The following KAT6B variants were observed in gnomAD, a reference collection of about 807,000 sequenced individuals.
The protein encoded by KAT6B is histone acetyltransferase KAT6B.
Under a neutral mutation model 187.5 loss-of-function variants are expected in KAT6B, and 10 were observed. The observed-to-expected ratio is 0.05, with a 90% CI of 0.03 to 0.09. The LOEUF (loss-of-function observed/expected upper bound fraction) is 0.09, where lower values mean the gene tolerates loss of function less well. Ranked by LOEUF, KAT6B falls within the 10% of genes least tolerant of loss-of-function variation. KAT6B has a pLI of 1.00. For synonymous variants in KAT6B, 861 were observed against 926.8 expected, an observed-to-expected ratio of 0.93 and a Z score of 1.29; for missense variants, 1,952 against 2,558.9, an observed-to-expected ratio of 0.76 and a Z score of 5.12.
rs756031303 is a variant in KAT6B at position 75,030,326 on chromosome 10, C to T, written c.5502C>T (p.Tyr1834=). ...CACTTATTGATCATTCATTGCCTTACAGCCATTCCGCTGCTGTGACTTCCT... is the reference window on the plus strand; with the variant it reads ...CACTTATTGATCATTCATTGCCTTATAGCCATTCCGCTGCTGTGACTTCCT... ...TNTLIDHSLP[Y]SHSAAVTSYA... Residue 1834 remains tyrosine (Y), a synonymous_variant, in exon 18 of 18, where the codon TAC becomes TAT. Transcript: ENST00000287239. This position sits in a 1 kb window ranked among gnomAD's most constrained non-coding sequence, Gnocchi z 4.8. The T allele has an allele frequency of 1.9e-5, 30 of 1,614,282 alleles. No homozygotes were observed. The highest frequency in any genetic ancestry group is 2.3e-5 in the Non-Finnish European group (27 of 1,180,056).
intron 3 of KAT6B, among the ~76,000 whole-genome samples, chr10:74,957,097 A>AT (rs1261273453): frequency 2.6e-5 from 4 of 152,166 alleles, no homozygotes; most frequent in African/African-American, 7.2e-5. Context: ...ATTATAAGGG[A>AT]TTTTTTTAAA....
At chr10:74,947,893 G>A (rs746019166) in intron 3 of KAT6B, among the ~76,000 whole-genome samples, 2 of 152,218 alleles carry the variant, frequency 1.3e-5, no homozygotes, top group Non-Finnish European at 2.9e-5. Flanking sequence ...AAGCTGTGGT[G>A]CCAGGGAGCA....
chr10:74,912,813 A>G (rs74989386), intron 3 of KAT6B, among the ~76,000 whole-genome samples: 15 of 152,086 alleles, frequency 9.9e-5, no homozygotes, highest in African/African-American at 3.4e-4. Context: ...ACCCATGTAG[A>G]TGTAGTGTTG....
intron 3 of KAT6B, among the ~76,000 whole-genome samples, chr10:74,937,603 G>A (rs1849356644): frequency 6.6e-6 from 1 of 152,182 alleles, no homozygotes; most frequent in South Asian, 2.1e-4. Context: ...CAGTGATGGT[G>A]AACTTGATAG....
chr10:74,845,810 A>G (rs901575940), intron 3 of KAT6B, among the ~76,000 whole-genome samples: 9 of 148,718 alleles, frequency 6.1e-5, no homozygotes, highest in Non-Finnish European at 1.3e-4. Context: ...TGTTTTCCTC[A>G]ATGCTTTAGA....
intron 3 of KAT6B, among the ~76,000 whole-genome samples, chr10:74,895,174 CA>C (rs1228925188): frequency 6.6e-6 from 1 of 151,892 alleles, no homozygotes; most frequent in East Asian, 1.9e-4. Flanking sequence ...GCTTCTTGCC[CA>C]TTTGTATATC....
At position 74,974,904 on chromosome 10, in the gene KAT6B, A is replaced by T. The variant is rs774015231; in HGVS notation, c.1062-495A>T. Among the ~76,000 whole-genome samples the T allele has an allele frequency of 6.4e-4, 97 of 152,350 alleles. 1 individual carries two copies. The highest frequency in any genetic ancestry group is 5.2e-3 in the Admixed American group (79 of 15,304). ...TTTTCTTAAAAAAAAGTACAAATTT[A>T]TAGCCATATCCAAACTCTATTTATA... On this transcript the variant is annotated intron_variant, in intron 7 of 17. Transcript: ENST00000287239.
rs1846165838 is a variant in KAT6B, at chr10:75,029,682, C to T, written c.4858C>T (p.Pro1620Ser). Reference sequence around the variant, plus strand: ...ACGTTCTGTCAACAGCCCAAGTGTCCCTGCTCTGGAAAACAGCTACGCCCA... The same window carrying T: ...ACGTTCTGTCAACAGCCCAAGTGTCTCTGCTCTGGAAAACAGCTACGCCCA... The part of the protein sequence containing the change: ...SVRSVNSPSV[P>S]ALENSYAQIS... Residue 1620 changes from proline (P) to serine (S), a missense_variant, in exon 18 of 18, where the codon CCT becomes TCT. By Grantham distance (74) the Pro-to-Ser change is moderately conservative. Coordinates refer to ENST00000287239, the MANE Select transcript of KAT6B (RefSeq NM_012330.4). The surrounding 1 kb of genome is among the most constrained non-coding windows in gnomAD (Gnocchi z 6.2). 1 of 1,614,172 alleles carries T rather than the reference C, an allele frequency of 6.2e-7. No homozygotes were observed. The highest frequency in any genetic ancestry group is 8.5e-7 in the Non-Finnish European group (1 of 1,180,038).
chr10:74,908,560 A>C (rs1846957152), intron 3 of KAT6B, among the ~76,000 whole-genome samples: 1 of 151,920 alleles, frequency 6.6e-6, no homozygotes, highest in African/African-American at 2.4e-5. Context: ...AAAAAAAAAA[A>C]AAAAAAAGAA....
At chr10:74,830,028 A>C (rs1320181645) in intron 1 of KAT6B, among the ~76,000 whole-genome samples, 50 of 151,454 alleles carry the variant, frequency 3.3e-4, no homozygotes, top group African/African-American at 1.2e-3. Context: ...AAAAAAAAAA[A>C]ACAAAAAAAA....
chr10:74,842,569 A>G lies in KAT6B; in HGVS notation c.-258-31A>G, dbSNP rs1589451354. 1.7e-5 allele frequency: 10 copies of G among 582,600 alleles called. No homozygotes were observed. In the East Asian group the frequency reaches 2.8e-4, roughly 16 times the overall value. The allele number at this position is 582,600 out of a possible 1,614,324, so 36.1% of individuals were successfully genotyped here. On this transcript the variant is annotated intron_variant, in intron 2 of 17. Transcript: ENST00000287239. ...GTTTATTTGTGTAAGCTTCATTATTAAGAGACTTTCCCCTCTTTTTATCCT... is the reference window on the plus strand; with the variant it reads ...GTTTATTTGTGTAAGCTTCATTATTGAGAGACTTTCCCCTCTTTTTATCCT...
intron 8 of KAT6B, chr10:74,977,052 C>A: frequency 5.5e-6 from 2 of 366,610 alleles, no homozygotes; most frequent in Non-Finnish European, 5.1e-6. Flanking sequence ...TATGATTTCA[C>A]TTTGTATTGC....
chr10:74,841,605 C>T (rs1353550973), intron 2 of KAT6B, among the ~76,000 whole-genome samples: 2 of 152,014 alleles, frequency 1.3e-5, no homozygotes, highest in Non-Finnish European at 2.9e-5. Flanking sequence ...GATGTTCGAC[C>T]CTTTAATCTG....
Position 75,031,429 on chromosome 10 carries a change from G to T in KAT6B, c.*383G>T. 2.8e-6 allele frequency: 1 copy of T among 355,460 alleles called. No homozygotes were observed. The highest frequency in any genetic ancestry group is 4.7e-5 in the East Asian group (1 of 21,426). 22.0% of individuals were successfully genotyped at this position (355,460 alleles called of 1,614,324 possible). On this transcript the variant is annotated 3_prime_UTR_variant, in exon 18 of 18. Transcript: ENST00000287239. The stretch of plus-strand genomic sequence containing the variant: ...CTAGAGCTTTTTTTTTCCCTTCCCT[G>T]TCCACTCCATGTAAATGCCTTTAGC...
At chr10:74,913,444 T>TTC (rs552078029) in intron 3 of KAT6B, among the ~76,000 whole-genome samples, 2 of 152,210 alleles carry the variant, frequency 1.3e-5, no homozygotes, top group Non-Finnish European at 2.9e-5. Context: ...TGAATTTGTT[T>TTC]TCTCTCTCTC....
intron 3 of KAT6B, among the ~76,000 whole-genome samples, chr10:74,933,218 T>C (rs1187437342): frequency 3.9e-5 from 6 of 152,242 alleles, no homozygotes; most frequent in African/African-American, 9.6e-5. Context: ...GGAAATGTTA[T>C]GAGAACCTTA....
At chr10:74,907,547 G>T (rs1005436381) in intron 3 of KAT6B, among the ~76,000 whole-genome samples, 1 of 151,408 alleles carries the variant, frequency 6.6e-6, no homozygotes, top group Admixed American at 6.6e-5. Context: ...TTTTTCTGAG[G>T]CAGAGTTTCA....
chr10:74,963,850 G>T (rs1424506185), intron 4 of KAT6B, among the ~76,000 whole-genome samples: 1 of 152,052 alleles, frequency 6.6e-6, no homozygotes, highest in African/African-American at 2.4e-5. Context: ...GAGGCCAGGC[G>T]CTGTGGCTCA....
At chr10:74,883,467 C>G (rs1331963554) in intron 3 of KAT6B, among the ~76,000 whole-genome samples, 1 of 152,164 alleles carries the variant, frequency 6.6e-6, no homozygotes, top group African/African-American at 2.4e-5. Flanking sequence ...TGGCTGCCCC[C>G]TACTTCTCCT....
Sources: allele counts gnomAD v4.1 joint callset (sites outside exome capture counted in the v4.1 genomes callset), GRCh38; gene constraint gnomAD v4.1.1; non-coding constraint Gnocchi (gnomAD v3.1); transcripts MANE v1.5; gene names NCBI Gene and HGNC (gene_info 2026-07-23, HGNC 2026-07-21).